Variants in MLLT3 observed in about 807,000 individuals in gnomAD.
MLLT3 encodes protein AF-9.
In MLLT3, 4 loss-of-function variants were observed where a neutral mutation model predicts 53.2. The observed-to-expected ratio is 0.08, with a 90% CI of 0.04 to 0.17. The LOEUF (loss-of-function observed/expected upper bound fraction) is 0.17. Ranked by LOEUF, MLLT3 falls within the 10% of genes least tolerant of loss-of-function variation. The pLI is 1.00. For synonymous variants in MLLT3, 283 were observed against 230.6 expected, an observed-to-expected ratio of 1.23 and a Z score of -2.06; for missense variants, 569 against 684.0, an observed-to-expected ratio of 0.83 and a Z score of 1.87.
intron 2 of MLLT3, among the ~76,000 whole-genome samples, chr9:20,478,018 T>C (rs1315603396): frequency 6.6e-6 from 1 of 152,208 alleles, no homozygotes; most frequent in Admixed American, 6.5e-5. Context: ...AGTACAATAA[T>C]TATCAGAGGT....
At chr9:20,507,854 C>T (rs1035063203) in intron 2 of MLLT3, among the ~76,000 whole-genome samples, 2 of 151,552 alleles carry the variant, frequency 1.3e-5, no homozygotes, top group African/African-American at 4.8e-5. Context: ...AGGTACTCTT[C>T]ACAATAAGAA....
At chr9:20,513,971 A>T in intron 2 of MLLT3, among the ~76,000 whole-genome samples, 1 of 152,260 alleles carries the variant, frequency 6.6e-6, no homozygotes, top group East Asian at 1.9e-4. Context: ...TTTGGTGGTC[A>T]TATTCAGAGG....
chr9:20,415,821 T>A (rs16938062), intron 4 of MLLT3, among the ~76,000 whole-genome samples: 5,150 of 152,076 alleles, frequency 0.034, 252 homozygotes, highest in African/African-American at 0.11. Flanking sequence ...CACAAAGTAA[T>A]ATCCAAATGA....
At chr9:20,613,702 T>C (rs1269315317) in intron 2 of MLLT3, among the ~76,000 whole-genome samples, 3 of 152,088 alleles carry the variant, frequency 2.0e-5, no homozygotes, top group East Asian at 1.9e-4. Context: ...CTGCTAATCA[T>C]ATAAATGCAA....
Position 20,546,481 on chromosome 9 carries a change from C to T in MLLT3, c.193+74173G>A, listed in dbSNP as rs149576957. 1.8e-3 allele frequency among the ~76,000 whole-genome samples: 267 copies of T among 151,360 alleles called. 2 individuals carry two copies. Among genetic ancestry groups the T allele is most frequent in the African/African-American group, 6.2e-3 (256 of 41,250 alleles). Reference sequence around the variant, plus strand: ...TTGCTTAAGCCCAAGAGGTTGAAGGCTGCAGTGAGCTCTGATCACACCACT... The same window carrying T: ...TTGCTTAAGCCCAAGAGGTTGAAGGTTGCAGTGAGCTCTGATCACACCACT... On this transcript the variant is annotated intron_variant, in intron 2 of 10. Transcript: ENST00000380338.
chr9:20,347,862 G>A (rs1015952810), intron 10 of MLLT3, among the ~76,000 whole-genome samples: 2 of 152,152 alleles, frequency 1.3e-5, no homozygotes, highest in Non-Finnish European at 2.9e-5. Context: ...ATTTAATGAA[G>A]TTTTAGATTA....
chr9:20,397,356 A>G (rs1331765866), intron 5 of MLLT3, among the ~76,000 whole-genome samples: 1 of 152,170 alleles, frequency 6.6e-6, no homozygotes, highest in Admixed American at 6.6e-5. Context: ...TTGGCTTCTC[A>G]GTGAGTATAA....
rs576402279 is a variant in MLLT3 at position 20,375,903 on chromosome 9, C to T, written c.1126-10159G>A. Among the ~76,000 whole-genome samples, 7 of 152,178 alleles carry T rather than the reference C, an allele frequency of 4.6e-5. No homozygotes were observed. In the South Asian group the frequency reaches 1.2e-3, roughly 27 times the overall value. ...GATTACAGGCCTGAGCCACCGCGCC[C>T]GGACTTCAGTAAGTTTTATAAAGGA... is the stretch of plus-strand genomic sequence containing the variant. On this transcript the variant is annotated intron_variant, in intron 5 of 10. Coordinates refer to ENST00000380338, the MANE Select transcript of MLLT3 (RefSeq NM_004529.4).
Position 20,604,021 on chromosome 9 carries a change from G to A in MLLT3, c.193+16633C>T, listed in dbSNP as rs553694517. Among the ~76,000 whole-genome samples, 9 of 152,166 alleles carry A rather than the reference G, an allele frequency of 5.9e-5. 1 individual carries two copies. In the East Asian group the frequency reaches 1.5e-3, roughly 26 times the overall value. On this transcript the variant is annotated intron_variant, in intron 2 of 10. Transcript: ENST00000380338. ...ACACAGAAGGTATCCAAAATTTCAG[G>A]CTATGAATTCAGATTGAATGGCTGA...
intron 2 of MLLT3, among the ~76,000 whole-genome samples, chr9:20,480,949 T>C (rs186854613): frequency 4.6e-5 from 7 of 152,280 alleles, no homozygotes; most frequent in Non-Finnish European, 4.4e-5. Context: ...AATAAATAAA[T>C]TGTCATGAGA....
At chr9:20,433,682 ATAAC>A (rs1823332989) in intron 4 of MLLT3, among the ~76,000 whole-genome samples, 1 of 152,160 alleles carries the variant, frequency 6.6e-6, no homozygotes, top group Non-Finnish European at 1.5e-5. Context: ...TATCTACTAA[ATAAC>A]TGGCCTGAAG....
intron 2 of MLLT3, among the ~76,000 whole-genome samples, chr9:20,499,891 C>G (rs537431624): frequency 7.0e-6 from 1 of 143,284 alleles, no homozygotes; most frequent in Non-Finnish European, 1.5e-5. Context: ...ATAGCAAGAA[C>G]CTGTCTCTTA....
chr9:20,479,963 G>T (rs80096660), intron 2 of MLLT3, among the ~76,000 whole-genome samples: 1 of 152,224 alleles, frequency 6.6e-6, no homozygotes, highest in African/African-American at 2.4e-5. Context: ...CTGAACCATT[G>T]CAACAGAGAG....
chr9:20,452,884 C>T (rs1823872148), intron 3 of MLLT3, among the ~76,000 whole-genome samples: 1 of 152,072 alleles, frequency 6.6e-6, no homozygotes, highest in African/African-American at 2.4e-5. Context: ...AATTGTCAAT[C>T]AATAGGCATT....
chr9:20,566,070 G>GTGTA (rs1554639859), intron 2 of MLLT3, among the ~76,000 whole-genome samples: 44 of 131,304 alleles, frequency 3.4e-4, no homozygotes, highest in African/African-American at 1.2e-3. Flanking sequence ...ATATATTTGT[G>GTGTA]TATATATATA....
chr9:20,347,113 G>A (rs1192843135), intron 10 of MLLT3, among the ~76,000 whole-genome samples: 6 of 145,620 alleles, frequency 4.1e-5, no homozygotes, highest in Non-Finnish European at 7.5e-5. Flanking sequence ...GAAAGAAACT[G>A]TCTACAATCC....
At chr9:20,608,034 G>A (rs1820611014) in intron 2 of MLLT3, among the ~76,000 whole-genome samples, 1 of 151,898 alleles carries the variant, frequency 6.6e-6, no homozygotes, top group African/African-American at 2.4e-5. Context: ...AATTATGCAT[G>A]AATTCTCCAT....
intron 5 of MLLT3, among the ~76,000 whole-genome samples, chr9:20,403,103 C>T (rs1033442699): frequency 1.3e-5 from 2 of 150,200 alleles, no homozygotes; most frequent in Admixed American, 6.6e-5. Context: ...GGCCTGCATC[C>T]GAGGGCCCCC....
At chr9:20,523,135 C>G (rs898371936) in intron 2 of MLLT3, among the ~76,000 whole-genome samples, 7 of 152,182 alleles carry the variant, frequency 4.6e-5, no homozygotes, top group Non-Finnish European at 1.0e-4. Flanking sequence ...TCTACATTAT[C>G]TGTCATCAAG....
Sources: allele counts gnomAD v4.1 joint callset (sites outside exome capture counted in the v4.1 genomes callset), GRCh38; gene constraint gnomAD v4.1.1; transcripts MANE v1.5; gene names NCBI Gene and HGNC (gene_info 2026-07-23, HGNC 2026-07-21).